CSMD2: variants seen among roughly 807,000 people sequenced by gnomAD.
CSMD2 encodes the protein CUB and sushi domain-containing protein 2.
CSMD2 carries 130 observed loss-of-function variants against 398.5 expected under a neutral mutation model. The observed-to-expected ratio is 0.33, with a 90% CI of 0.28 to 0.38. CSMD2 has a LOEUF of 0.38. Ranked by LOEUF, CSMD2 falls within the 10% of genes least tolerant of loss-of-function variation. The pLI is 1.00. For missense variants in CSMD2, 3,829 were observed against 4,764.9 expected, an observed-to-expected ratio of 0.80 and a Z score of 5.78; for synonymous variants, 1,828 against 1,908.5, an observed-to-expected ratio of 0.96 and a Z score of 1.10.
chr1:34,141,063 A>G (rs1842094), intron 1 of CSMD2, among the ~76,000 whole-genome samples: 109,884 of 151,970 alleles, frequency 0.72, 42,304 homozygotes, highest in Non-Finnish European at 0.85. Flanking sequence ...CCTGGGATAC[A>G]TCCCACTCCT....
In CSMD2 at chr1:33,985,034, G is replaced by A. The variant is rs138741848; in HGVS notation, c.517+47560C>T. 4.6e-5 allele frequency among the ~76,000 whole-genome samples: 7 copies of A among 152,332 alleles called. No individual in the cohort carries two copies. The East Asian group carries it at 9.6e-4, about 21-fold the overall frequency. On this transcript the variant is annotated intron_variant, in intron 3 of 70. Coordinates refer to ENST00000373381, the MANE Select transcript of CSMD2 (RefSeq NM_001281956.2). ...CAAGGCAGCTTTGATGAAGGCAGAC[G>A]TGTGGCGTTAACGGTTCCCATTGCT...
intron 1 of CSMD2, among the ~76,000 whole-genome samples, chr1:34,154,174 A>G (rs1640589103): frequency 1.3e-5 from 2 of 152,214 alleles, no homozygotes; most frequent in African/African-American, 2.4e-5. Context: ...AGAAGTGTAA[A>G]TTAATACAAC....
At chr1:33,897,098 T>G (rs796078481) in intron 5 of CSMD2, among the ~76,000 whole-genome samples, 5 of 152,156 alleles carry the variant, frequency 3.3e-5, no homozygotes, top group African/African-American at 1.2e-4. Context: ...AACCAGAAGC[T>G]AAAGTGGCTC....
chr1:33,802,777 T>C lies in CSMD2; in HGVS notation c.1446+7966A>G, dbSNP rs190232575. Among the ~76,000 whole-genome samples, 20 of 152,334 alleles carry C rather than the reference T, an allele frequency of 1.3e-4. No individual in the cohort carries two copies. In the East Asian group the frequency reaches 3.9e-3, roughly 29 times the overall value. Reference sequence around the variant, plus strand: ...ATTCTCAATCCCGTGGCCCTCTCACTCCAGAATCTCCCTTCTGTCACCATC... The same window carrying C: ...ATTCTCAATCCCGTGGCCCTCTCACCCCAGAATCTCCCTTCTGTCACCATC... On this transcript the variant is annotated intron_variant, in intron 10 of 70. Coordinates refer to ENST00000373381, the MANE Select transcript of CSMD2 (RefSeq NM_001281956.2).
chr1:33,967,319 T>C (rs114396668), intron 3 of CSMD2, among the ~76,000 whole-genome samples: 1,700 of 152,052 alleles, frequency 0.011, 32 homozygotes, highest in African/African-American at 0.038. Flanking sequence ...TCTGGGAATG[T>C]CAGGTTCTCA....
Position 33,583,745 on chromosome 1 carries a change from C to A in CSMD2, c.7137G>T (p.Gln2379His), listed in dbSNP as rs1415387033. The change falls in exon 47 of 71, where the codon CAG becomes CAT. Residue 2379 changes from glutamine to histidine, a missense_variant. Physicochemically the swap from Gln to His is conservative, Grantham distance 24. Transcript: ENST00000373381. ...CCACTCTCACCAGCCAAGAGCAGGT[C>A]TGGAACTGGGGATAGCTTCCAGGGT... ...QSYPGSYPQF[Q>H]TCSWLVRVEP... 5.6e-6 allele frequency: 9 copies of A among 1,614,080 alleles called. No individual in the cohort carries two copies. Among genetic ancestry groups the A allele is most frequent in the Non-Finnish European group, 5.9e-6 (7 of 1,180,036 alleles).
At position 33,663,031 on chromosome 1, in the gene CSMD2, G is replaced by T. The variant is rs1644191277; in HGVS notation, c.4114C>A (p.Pro1372Thr). Residue 1372 changes from proline to threonine, a missense_variant, in exon 26 of 71, where the codon CCT becomes ACT. This residue lies in a region of CSMD2 where 2,001 missense variants were observed against 2,567.1 expected (regional missense o/e 0.78). Transcript: ENST00000373381. ...VHDVLRIWDG[P>T]VESGVLLKEL... ...TTCAGCAGAACCCCGCTCTCCACAG[G>T]CCCATCCCAGATGCGCAGCACGTCG... is the stretch of plus-strand genomic sequence containing the variant. 6.2e-7 allele frequency: 1 copy of T among 1,614,060 alleles called. No homozygotes were observed. The highest frequency in any genetic ancestry group is 8.5e-7 in the Non-Finnish European group (1 of 1,180,028).
At chr1:34,106,937 T>C (rs925838451) in intron 1 of CSMD2, among the ~76,000 whole-genome samples, 5 of 152,346 alleles carry the variant, frequency 3.3e-5, no homozygotes, top group East Asian at 1.9e-4. Context: ...GTGATACAGA[T>C]GCAGTTCATT....
intron 60 of CSMD2, 135 bp downstream of exon 60, chr1:33,540,390 T>TGG: frequency 1.3e-6 from 1 of 796,924 alleles, no homozygotes; most frequent in East Asian, 2.6e-5. Flanking sequence ...TCTTTAATAG[T>TGG]GTCTTTGATG....
At chr1:33,569,717 G>A (rs1342533638) in intron 51 of CSMD2, among the ~76,000 whole-genome samples, 170 bp from the exon 52 acceptor site, 2 of 152,196 alleles carry the variant, frequency 1.3e-5, no homozygotes, top group Non-Finnish European at 2.9e-5. Flanking sequence ...CACCTCAACT[G>A]GAGGTGTCTC....
chr1:33,765,763 A>G (rs1479563052), intron 13 of CSMD2, among the ~76,000 whole-genome samples: 3 of 152,258 alleles, frequency 2.0e-5, no homozygotes, highest in Non-Finnish European at 4.4e-5. Context: ...GGGAAAATAC[A>G]TATATCAAAT....
At chr1:33,648,085 G>A (rs1384409876) in intron 28 of CSMD2, among the ~76,000 whole-genome samples, 2 of 152,138 alleles carry the variant, frequency 1.3e-5, no homozygotes, top group South Asian at 4.1e-4. Flanking sequence ...GCTTTTGGCC[G>A]GGCATGGTGG....
intron 13 of CSMD2, among the ~76,000 whole-genome samples, chr1:33,755,015 T>C (rs1352136628): frequency 2.0e-5 from 3 of 152,090 alleles, no homozygotes; most frequent in Non-Finnish European, 2.9e-5. Context: ...GAAACACAGA[T>C]GGATTGCTAG....
chr1:34,022,538 G>A (rs1421319284), intron 3 of CSMD2, among the ~76,000 whole-genome samples: 1 of 152,194 alleles, frequency 6.6e-6, no homozygotes. Flanking sequence ...ATGATAGAAG[G>A]AGAAGTGCAG....
intron 1 of CSMD2, among the ~76,000 whole-genome samples, chr1:34,128,865 C>T (rs375893037): frequency 6.6e-6 from 1 of 152,160 alleles, no homozygotes. Flanking sequence ...ACCCTTGGGG[C>T]TGGAGAGCTG....
In CSMD2 at chr1:33,544,485, C is replaced by A. The variant is rs1012740910; in HGVS notation, c.9100+1552G>T. On this transcript the variant is annotated intron_variant, in intron 57 of 70. Transcript: ENST00000373381. Reference sequence around the variant, plus strand: ...GCCATTTCTCCAGAGAGTCTAGTTTCTTTTAATGGAGAATGGACCACAATC... The same window carrying A: ...GCCATTTCTCCAGAGAGTCTAGTTTATTTTAATGGAGAATGGACCACAATC... Among the ~76,000 whole-genome samples the A allele has an allele frequency of 9.2e-5, 14 of 152,222 alleles. No homozygotes were observed. The East Asian group carries it at 2.5e-3, about 27-fold the overall frequency.
chr1:33,844,100 C>T (rs990824902), intron 6 of CSMD2, among the ~76,000 whole-genome samples: 5 of 152,202 alleles, frequency 3.3e-5, no homozygotes, highest in Non-Finnish European at 7.3e-5. Flanking sequence ...CCCGCTGGAC[C>T]CCTGACTGAA....
rs1315590200 is a variant in CSMD2, at chr1:33,536,720, A to AGGTCTGTC, written c.9879+301_9879+302insGACAGACC. On this transcript the variant is annotated intron_variant, in intron 62 of 70. Transcript: ENST00000373381. ...GGTGGGGTGGGCACCGTGAGGACAG[A>AGGTCTGTC]GGTCTCACTCATTTCCGTATTTCCA... Among the ~76,000 whole-genome samples, 9 of 131,268 alleles carry AGGTCTGTC rather than the reference A, an allele frequency of 6.9e-5. No individual in the cohort carries two copies. The East Asian group carries it at 2.3e-3, about 34-fold the overall frequency. 86.1% of individuals were successfully genotyped at this position (131,268 alleles called of 152,430 possible).
At chr1:33,783,431 T>TTCTCTC (rs55769634) in intron 12 of CSMD2, among the ~76,000 whole-genome samples, 3,339 of 135,060 alleles carry the variant, frequency 0.025, 101 homozygotes, top group African/African-American at 0.065. Flanking sequence ...CATTCTCTCA[T>TTCTCTC]TCTCTCTCTC....
Sources: gnomAD v4.1 joint callset for allele counts (sites outside exome capture counted in the v4.1 genomes callset) on GRCh38, gnomAD v4.1.1 for gene constraint, gnomAD v4.1.1 regional missense constraint, MANE v1.5 for transcripts, NCBI Gene and HGNC (gene_info 2026-07-23, HGNC 2026-07-21) for gene names.